The following CDH8 variants were observed in gnomAD, a reference collection of about 807,000 sequenced individuals.
CDH8 encodes cadherin 8, also known as cadherin-8.
Under a neutral mutation model 68.1 loss-of-function variants are expected in CDH8, and 17 were observed. That is an observed-to-expected ratio of 0.25 (90% CI 0.17 to 0.37). The LOEUF (loss-of-function observed/expected upper bound fraction) is 0.37, where lower values mean the gene tolerates loss of function less well. CDH8 is among the 10% of genes least tolerant of loss of function. The pLI, the probability that CDH8 is intolerant of heterozygous loss-of-function variation, is 1.00. For synonymous variants in CDH8, 372 were observed against 365.1 expected, an observed-to-expected ratio of 1.02 and a Z score of -0.21; for missense variants, 763 against 999.3, an observed-to-expected ratio of 0.76 and a Z score of 3.19.
chr16:61,846,522 C>G (rs1181389187), intron 4 of CDH8, among the ~76,000 whole-genome samples: 1 of 152,116 alleles, frequency 6.6e-6, no homozygotes, highest in Non-Finnish European at 1.5e-5. Context: ...TACCTGTCTT[C>G]TTTTCCTTTG....
At chr16:61,803,332 G>A (rs1465528657) in intron 7 of CDH8, among the ~76,000 whole-genome samples, 2 of 134,262 alleles carry the variant, frequency 1.5e-5, no homozygotes, top group South Asian at 2.4e-4. Flanking sequence ...AACATGGAAA[G>A]GAACAACCGG....
intron 4 of CDH8, among the ~76,000 whole-genome samples, chr16:61,831,623 G>A (rs550308886): frequency 1.5e-4 from 23 of 151,648 alleles, no homozygotes; most frequent in Non-Finnish European, 2.9e-4. Context: ...TGTCTTTGGC[G>A]TTATCATTTG....
chr16:61,753,430 G>C (rs1447254976), intron 8 of CDH8, among the ~76,000 whole-genome samples: 1 of 151,922 alleles, frequency 6.6e-6, no homozygotes, highest in East Asian at 1.9e-4. Context: ...AGTAGAGACA[G>C]CTTTTCACCA....
intron 3 of CDH8, among the ~76,000 whole-genome samples, chr16:61,883,704 A>T (rs1963619905): frequency 6.6e-6 from 1 of 151,354 alleles, no homozygotes. Context: ...TCAAAGAACT[A>T]AGAGGTGGAT....
chr16:61,739,902 TATATATATATGTA>T lies in CDH8; in HGVS notation c.1415-12700_1415-12688del, dbSNP rs529411943. On this transcript the variant is annotated intron_variant, in intron 8 of 11. Transcript: ENST00000577390. ...CATATTCCATATATATATATATATA[TATATATATATGTA>T]TTTTTTTTTTTGAGACAAAGTCTTG... Among the ~76,000 whole-genome samples the T allele has an allele frequency of 3.5e-3, 318 of 90,062 alleles. 5 individuals are homozygous for T. The highest frequency in any genetic ancestry group is 5.4e-3 in the Non-Finnish European group (264 of 48,914). The allele number at this position is 90,062 out of a possible 152,430, so 59.1% of individuals were successfully genotyped here. A position where few individuals can be genotyped will look rare whatever the true frequency, so the allele number is the denominator to read the frequency against.
At chr16:61,706,510 ACTCAGGAGGCTGAGG>A (rs1964535810) in intron 10 of CDH8, among the ~76,000 whole-genome samples, 2 of 151,502 alleles carry the variant, frequency 1.3e-5, no homozygotes, top group South Asian at 4.2e-4. Flanking sequence ...AGTCCCGGCT[ACTCAGGAGGCTGAGG>A]CAGGAGAATG....
intron 2 of CDH8, among the ~76,000 whole-genome samples, chr16:61,989,998 A>C (rs1333650585): frequency 6.6e-6 from 1 of 152,226 alleles, no homozygotes; most frequent in Non-Finnish European, 1.5e-5. Flanking sequence ...ATGGACAAGA[A>C]TAAGTCCAAT....
intron 8 of CDH8, among the ~76,000 whole-genome samples, chr16:61,783,882 A>G (rs1961158096): frequency 6.6e-6 from 1 of 152,212 alleles, no homozygotes; most frequent in Non-Finnish European, 1.5e-5. Flanking sequence ...AGACAAGCAA[A>G]TGCTGACAGA....
Position 61,691,430 on chromosome 16 carries a change from A to C in CDH8, c.1654+22411T>G, listed in dbSNP as rs570285828. Among the ~76,000 whole-genome samples, 3 of 150,796 alleles carry C rather than the reference A, an allele frequency of 2.0e-5. No individual in the cohort carries two copies. In the East Asian group the frequency reaches 5.9e-4, roughly 30 times the overall value. On this transcript the variant is annotated intron_variant, in intron 10 of 11. Coordinates refer to ENST00000577390, the MANE Select transcript of CDH8 (RefSeq NM_001796.5). ...AAATTTTTATTGCCTCCATCTCATT[A>C]TCCCTATAACACCAGCTGAGAGGTC...
At chr16:61,923,619 CAT>C (rs1964409870) in intron 2 of CDH8, among the ~76,000 whole-genome samples, 1 of 151,454 alleles carries the variant, frequency 6.6e-6, no homozygotes, top group South Asian at 2.1e-4. Flanking sequence ...CTATATGTCA[CAT>C]ATACAACATA....
chr16:61,943,588 A>G (rs1052851529), intron 2 of CDH8, among the ~76,000 whole-genome samples: 6 of 152,180 alleles, frequency 3.9e-5, no homozygotes, highest in African/African-American at 1.4e-4. Flanking sequence ...ATCCCTTACC[A>G]TGTCTACATA....
chr16:61,792,699 A>C (rs1390708846), intron 7 of CDH8, among the ~76,000 whole-genome samples: 1 of 152,048 alleles, frequency 6.6e-6, no homozygotes, highest in Admixed American at 6.6e-5. Flanking sequence ...AAGTTCATGC[A>C]TAAACCAAAC....
rs1181772361 is a variant in CDH8, at chr16:61,681,429, C to CATAT, written c.1655-25712_1655-25709dup. Among the ~76,000 whole-genome samples, 5 of 151,984 alleles carry CATAT rather than the reference C, an allele frequency of 3.3e-5. 1 individual carries two copies. The highest frequency in any genetic ancestry group is 1.2e-4 in the African/African-American group (5 of 41,504). The stretch of plus-strand genomic sequence containing the variant: ...ACATGAAATTAGACAAATACAAAAT[C>CATAT]ATATACTGTGTAATTTCATTTATTT... On this transcript the variant is annotated intron_variant, in intron 10 of 11. Transcript: ENST00000577390.
chr16:61,913,491 C>T (rs544223590), intron 2 of CDH8, among the ~76,000 whole-genome samples: 2 of 152,106 alleles, frequency 1.3e-5, no homozygotes, highest in African/African-American at 2.4e-5. Context: ...GAACCAACCT[C>T]TCATGGATAC....
Position 61,801,513 on chromosome 16 carries a change from G to A in CDH8, c.1278-12031C>T, listed in dbSNP as rs1012622918. Among the ~76,000 whole-genome samples, 7 of 152,300 alleles carry A rather than the reference G, an allele frequency of 4.6e-5. 1 individual carries two copies. Among genetic ancestry groups the A allele is most frequent in the South Asian group, 4.1e-4 (2 of 4,832 alleles). ...CCGGTCTACAGCTCCCAGCGTGAGC[G>A]ACGCAGAAGACGGGTGATTTCTGCA... On this transcript the variant is annotated intron_variant, in intron 7 of 11. Transcript: ENST00000577390.
chr16:61,999,827 A>G (rs2150595689), intron 2 of CDH8, among the ~76,000 whole-genome samples: 1 of 152,184 alleles, frequency 6.6e-6, no homozygotes, highest in South Asian at 2.1e-4. Context: ...CCTGGGATAC[A>G]TGTGCAGAAT....
intron 3 of CDH8, among the ~76,000 whole-genome samples, chr16:61,876,839 A>G (rs1231884157): frequency 6.6e-6 from 1 of 152,106 alleles, no homozygotes; most frequent in Non-Finnish European, 1.5e-5. Context: ...TGGAAAGCAC[A>G]TTTGGTATAC....
At chr16:61,965,663 G>A (rs901943527) in intron 2 of CDH8, among the ~76,000 whole-genome samples, 2 of 151,968 alleles carry the variant, frequency 1.3e-5, no homozygotes, top group African/African-American at 4.8e-5. Flanking sequence ...ACAAAAGCAA[G>A]GACTAGAAGA....
At chr16:61,919,042 C>T (rs187883721) in intron 2 of CDH8, among the ~76,000 whole-genome samples, 1 of 147,122 alleles carries the variant, frequency 6.8e-6, no homozygotes, top group African/African-American at 2.5e-5. Flanking sequence ...GAGGCACCCC[C>T]CAGCAGGGGC....
Sources: gnomAD v4.1 joint callset for allele counts (sites outside exome capture counted in the v4.1 genomes callset) on GRCh38, gnomAD v4.1.1 for gene constraint, MANE v1.5 for transcripts, NCBI Gene and HGNC (gene_info 2026-07-23, HGNC 2026-07-21) for gene names.